Variants in DPP10 observed in about 807,000 individuals in gnomAD.
The protein encoded by DPP10 is dipeptidyl peptidase like 10.
In DPP10, 33 loss-of-function variants were observed where a neutral mutation model predicts 120.9. The observed-to-expected ratio is 0.27, with a 90% confidence interval of 0.21 to 0.37. DPP10 has a LOEUF of 0.37. Ranked by LOEUF, DPP10 falls within the 10% of genes least tolerant of loss-of-function variation. DPP10 has a pLI of 1.00. For missense variants in DPP10, 816 were observed against 942.8 expected (o/e 0.87, Z 1.76); for synonymous variants, 337 against 326.1 (o/e 1.03, Z -0.36).
intron 5 of DPP10, among the ~76,000 whole-genome samples, chr2:115,647,235 A>C (rs907357047): frequency 1.3e-5 from 2 of 152,164 alleles, no homozygotes; most frequent in African/African-American, 4.8e-5. Context: ...CCGCTTTATC[A>C]AGTGCCGCTC....
intron 15 of DPP10, among the ~76,000 whole-genome samples, chr2:115,779,788 GA>G (rs1174904004): frequency 6.6e-6 from 1 of 151,534 alleles, no homozygotes; most frequent in Non-Finnish European, 1.5e-5. Context: ...TTTATAAAAT[GA>G]AAAAAAATGG....
intron 21 of DPP10, among the ~76,000 whole-genome samples, chr2:115,829,876 ATTAC>A (rs1423232289): frequency 6.6e-6 from 1 of 152,126 alleles, no homozygotes; most frequent in Non-Finnish European, 1.5e-5. Context: ...GCCACTGTTT[ATTAC>A]TTATTAATTA....
chr2:115,845,501 G>A lies in DPP10; in HGVS notation c.*3156G>A, dbSNP rs1016002039. On this transcript the variant is annotated 3_prime_UTR_variant, in exon 26 of 26. Transcript: ENST00000410059. ...GATCTTTCCCTCAGATATTCTACAT[G>A]GTCCATGGAAGACTCTGTGGGCCGC... 6.6e-6 allele frequency: 1 copy of A among 152,118 alleles called. No individual in the cohort carries two copies. The highest frequency in any genetic ancestry group is 1.5e-5 in the Non-Finnish European group (1 of 68,028). The allele number at this position is 152,118 out of a possible 1,614,324, so 9.4% of individuals were successfully genotyped here.
chr2:115,792,088 A>G (rs991365377), intron 19 of DPP10, among the ~76,000 whole-genome samples: 1 of 152,182 alleles, frequency 6.6e-6, no homozygotes, highest in Non-Finnish European at 1.5e-5. Flanking sequence ...AACATTGCTT[A>G]TTATGATCAC....
intron 5 of DPP10, among the ~76,000 whole-genome samples, chr2:115,644,708 A>C (rs1313172280): frequency 4.6e-5 from 7 of 151,986 alleles, no homozygotes; most frequent in African/African-American, 1.7e-4. Flanking sequence ...CCTTGAGCCC[A>C]GGAGTTTGGG....
chr2:115,162,291 C>T, intron 1 of DPP10: 3 of 1,519,704 alleles, frequency 2.0e-6, no homozygotes, highest in Non-Finnish European at 1.8e-6. Context: ...TGAAGGTGCC[C>T]CGGGGAACCC....
intron 3 of DPP10, among the ~76,000 whole-genome samples, chr2:115,453,433 A>G (rs545871752): frequency 5.9e-5 from 9 of 151,720 alleles, no homozygotes; most frequent in Admixed American, 2.0e-4. Flanking sequence ...AGTGAATATG[A>G]TTTTTCCTTA....
chr2:114,784,515 T>C (rs180762522), intron 1 of DPP10, among the ~76,000 whole-genome samples: 1 of 152,244 alleles, frequency 6.6e-6, no homozygotes, highest in East Asian at 1.9e-4. Context: ...CCTTCTCAAA[T>C]ATGTTCCTAT....
chr2:115,766,760 G>A (rs949221733), intron 12 of DPP10, among the ~76,000 whole-genome samples: 4 of 152,112 alleles, frequency 2.6e-5, no homozygotes, highest in Non-Finnish European at 5.9e-5. Flanking sequence ...AGGCAAATGG[G>A]GAGCAACACT....
intron 1 of DPP10, among the ~76,000 whole-genome samples, chr2:114,448,437 T>C (rs1437040741): frequency 6.6e-6 from 1 of 152,162 alleles, no homozygotes; most frequent in Non-Finnish European, 1.5e-5. Context: ...ACATTATGGG[T>C]CTACAAATGA....
intron 1 of DPP10, among the ~76,000 whole-genome samples, chr2:114,686,465 G>A (rs541145696): frequency 2.0e-5 from 3 of 151,852 alleles, no homozygotes; most frequent in Non-Finnish European, 4.4e-5. Context: ...ATCTATAGAT[G>A]TAAAGAGCTA....
intron 1 of DPP10, among the ~76,000 whole-genome samples, chr2:114,455,975 A>G (rs1678564596): frequency 6.6e-6 from 1 of 152,118 alleles, no homozygotes; most frequent in South Asian, 2.1e-4. Flanking sequence ...GCATCACACC[A>G]CATGGCAATA....
At chr2:115,058,334 C>T (rs571748155) in intron 1 of DPP10, among the ~76,000 whole-genome samples, 5 of 145,702 alleles carry the variant, frequency 3.4e-5, no homozygotes, top group Non-Finnish European at 7.5e-5. Context: ...CCAGCTTCTA[C>T]TGCTCTTTTA....
chr2:114,750,655 C>T lies in DPP10; in HGVS notation c.60+307817C>T, dbSNP rs1019766100. Among the ~76,000 whole-genome samples, 13 of 152,162 alleles carry T rather than the reference C, an allele frequency of 8.5e-5. No homozygotes were observed. In the East Asian group the frequency reaches 1.5e-3, roughly 18 times the overall value. ...GCCACATCAATACTTTTAACACTTCCTCAAGGAGCCCAGTGTTCCTCCAGG... is the reference window on the plus strand; with the variant it reads ...GCCACATCAATACTTTTAACACTTCTTCAAGGAGCCCAGTGTTCCTCCAGG... On this transcript the variant is annotated intron_variant, in intron 1 of 25. Coordinates refer to ENST00000410059, the MANE Select transcript of DPP10 (RefSeq NM_020868.6).
At chr2:115,429,362 C>G (rs1391345419) in intron 3 of DPP10, among the ~76,000 whole-genome samples, 1 of 151,948 alleles carries the variant, frequency 6.6e-6, no homozygotes. Context: ...ATGTAAAATT[C>G]AACAAGCTAG....
At chr2:115,494,747 T>C (rs1430654640) in intron 3 of DPP10, among the ~76,000 whole-genome samples, 1 of 152,178 alleles carries the variant, frequency 6.6e-6, no homozygotes, top group Non-Finnish European at 1.5e-5. Context: ...CATGGAATGC[T>C]ACAGAATTTC....
At chr2:114,935,780 T>C in intron 1 of DPP10, among the ~76,000 whole-genome samples, 1 of 152,078 alleles carries the variant, frequency 6.6e-6, no homozygotes, top group East Asian at 1.9e-4. Flanking sequence ...AGGATCTATC[T>C]TTTAAACAAG....
At chr2:115,525,082 C>T (rs2078046000) in intron 4 of DPP10, among the ~76,000 whole-genome samples, 1 of 152,080 alleles carries the variant, frequency 6.6e-6, no homozygotes, top group African/African-American at 2.4e-5. Flanking sequence ...TGTTTATGCA[C>T]GTATTTCTCT....
intron 1 of DPP10, among the ~76,000 whole-genome samples, chr2:114,693,510 A>AT (rs1385740496): frequency 5.3e-5 from 8 of 151,390 alleles, no homozygotes; most frequent in Non-Finnish European, 1.0e-4. Context: ...TGCCCTTAAC[A>AT]TTTTTTCTTT....
Sources: gnomAD v4.1 joint callset for allele counts (sites outside exome capture counted in the v4.1 genomes callset) on GRCh38, gnomAD v4.1.1 for gene constraint, MANE v1.5 for transcripts, NCBI Gene and HGNC (gene_info 2026-07-23, HGNC 2026-07-21) for gene names.